CADPS2: variants seen among roughly 807,000 people sequenced by gnomAD.
CADPS2 encodes the protein calcium dependent secretion activator 2, also known as calcium-dependent secretion activator 2.
CADPS2 carries 93 observed loss-of-function variants against 172.5 expected under a neutral mutation model. That is an observed-to-expected ratio of 0.54 (90% confidence interval 0.46 to 0.64). The LOEUF (loss-of-function observed/expected upper bound fraction) is 0.64. Among genes scored for constraint, CADPS2 ranks in the 30% least tolerant of loss-of-function variants. The pLI, the probability that CADPS2 is intolerant of heterozygous loss-of-function variation, is 0.00. For missense variants in CADPS2, 1,420 were observed against 1,565.9 expected (o/e 0.91, Z 1.57); for synonymous variants, 546 against 555.2 (o/e 0.98, Z 0.23).
intron 4 of CADPS2, 79 bp downstream of exon 4, chr7:122,629,169 A>T: frequency 8.7e-7 from 1 of 1,145,362 alleles, no homozygotes; most frequent in African/African-American, 1.6e-5. Flanking sequence ...TTTTTAACCT[A>T]TACAAAACAC....
At chr7:122,399,634 T>C (rs1337985936) in intron 20 of CADPS2, among the ~76,000 whole-genome samples, 2 of 148,216 alleles carry the variant, frequency 1.3e-5, no homozygotes, top group African/African-American at 4.9e-5. Context: ...TATATCATGA[T>C]CGATAACTCT....
At chr7:122,819,707 T>C (rs571897391) in intron 1 of CADPS2, among the ~76,000 whole-genome samples, 2 of 152,254 alleles carry the variant, frequency 1.3e-5, no homozygotes, top group African/African-American at 2.4e-5. Flanking sequence ...AACTAAATTA[T>C]CTGCTTCCCT....
At chr7:122,453,592 A>G (rs1454713953) in intron 14 of CADPS2, among the ~76,000 whole-genome samples, 1 of 152,234 alleles carries the variant, frequency 6.6e-6, no homozygotes, top group Non-Finnish European at 1.5e-5. Context: ...GCAAATTGAT[A>G]AAAAGAGCAA....
chr7:122,744,889 T>G (rs1329011660), intron 1 of CADPS2, among the ~76,000 whole-genome samples: 1 of 151,988 alleles, frequency 6.6e-6, no homozygotes, highest in Non-Finnish European at 1.5e-5. Flanking sequence ...AATGCTAAGC[T>G]CCAAATGTTA....
chr7:122,452,880 T>C (rs1317352232), intron 14 of CADPS2, among the ~76,000 whole-genome samples: 3 of 152,166 alleles, frequency 2.0e-5, no homozygotes, highest in Non-Finnish European at 1.5e-5. Flanking sequence ...TATATACATA[T>C]AATCATATGT....
chr7:122,863,125 A>G (rs1214021256), intron 1 of CADPS2, among the ~76,000 whole-genome samples: 1 of 152,188 alleles, frequency 6.6e-6, no homozygotes, highest in Non-Finnish European at 1.5e-5. Flanking sequence ...TATCACAACC[A>G]TTATTGCTGC....
chr7:122,425,137 C>T (rs1007374619), intron 17 of CADPS2, among the ~76,000 whole-genome samples: 11 of 152,066 alleles, frequency 7.2e-5, no homozygotes, highest in South Asian at 2.1e-4. Context: ...TGCACCACCA[C>T]GCCCAACTAA....
chr7:122,460,748 A>G (rs769058520), intron 14 of CADPS2, among the ~76,000 whole-genome samples: 1 of 152,200 alleles, frequency 6.6e-6, no homozygotes, highest in Non-Finnish European at 1.5e-5. Flanking sequence ...CAAACCAAGA[A>G]AGGAAAAAGA....
intron 28 of CADPS2, among the ~76,000 whole-genome samples, chr7:122,340,057 G>T (rs1426429539): frequency 6.6e-6 from 1 of 152,058 alleles, no homozygotes; most frequent in Non-Finnish European, 1.5e-5. Context: ...CATTTATATA[G>T]TATAGGTCAA....
At chr7:122,499,115 G>A (rs2058993462) in intron 9 of CADPS2, among the ~76,000 whole-genome samples, 1 of 152,190 alleles carries the variant, frequency 6.6e-6, no homozygotes, top group Non-Finnish European at 1.5e-5. Flanking sequence ...CAAGCTAACA[G>A]TTAAAAATTC....
chr7:122,693,634 T>G (rs756424909), intron 2 of CADPS2, among the ~76,000 whole-genome samples: 1 of 152,144 alleles, frequency 6.6e-6, no homozygotes, highest in African/African-American at 2.4e-5. Flanking sequence ...AGCCAAGGTT[T>G]TGAAGTACTA....
intron 27 of CADPS2, among the ~76,000 whole-genome samples, chr7:122,359,155 A>G (rs798689): frequency 0.36 from 54,293 of 151,878 alleles, 9,988 homozygotes; most frequent in East Asian, 0.56. Context: ...TCCTCAGACA[A>G]CATATGCCTG....
intron 2 of CADPS2, among the ~76,000 whole-genome samples, chr7:122,682,284 G>A (rs535323711): frequency 6.6e-6 from 1 of 152,242 alleles, no homozygotes; most frequent in East Asian, 1.9e-4. Flanking sequence ...CAACGGAATG[G>A]CAAATAAGAA....
At chr7:122,647,706 TATAC>T (rs757973163) in intron 3 of CADPS2, among the ~76,000 whole-genome samples, 8 of 152,174 alleles carry the variant, frequency 5.3e-5, no homozygotes, top group Non-Finnish European at 1.2e-4. Context: ...ATTTTGTGAG[TATAC>T]ATAAACACTT....
At chr7:122,728,073 T>C (rs2091283892) in intron 2 of CADPS2, among the ~76,000 whole-genome samples, 1 of 151,980 alleles carries the variant, frequency 6.6e-6, no homozygotes, top group Non-Finnish European at 1.5e-5. Flanking sequence ...AGGGCATTAT[T>C]GCAAAGTTTA....
intron 9 of CADPS2, among the ~76,000 whole-genome samples, chr7:122,492,655 C>A (rs2058395939): frequency 6.6e-6 from 1 of 152,070 alleles, no homozygotes; most frequent in Admixed American, 6.5e-5. Context: ...GCAAAATATC[C>A]TGCAACACAG....
intron 1 of CADPS2, among the ~76,000 whole-genome samples, chr7:122,751,432 G>C (rs765250056): frequency 2.0e-5 from 3 of 152,108 alleles, no homozygotes; most frequent in Non-Finnish European, 2.9e-5. Flanking sequence ...GCATAGTTTC[G>C]TGGAAACTGA....
intron 17 of CADPS2, among the ~76,000 whole-genome samples, chr7:122,418,157 G>A (rs1412682291): frequency 6.7e-6 from 1 of 150,066 alleles, no homozygotes; most frequent in Non-Finnish European, 1.5e-5. Context: ...GTGACAGAGG[G>A]AGACTCCATC....
chr7:122,373,858 C>CA (rs199525196), intron 25 of CADPS2, among the ~76,000 whole-genome samples: 66 of 151,464 alleles, frequency 4.4e-4, no homozygotes, highest in African/African-American at 1.1e-3. Flanking sequence ...TAAACACTAC[C>CA]AAAAAAAACC....
Sources: allele counts gnomAD v4.1 joint callset (sites outside exome capture counted in the v4.1 genomes callset), GRCh38; gene constraint gnomAD v4.1.1; transcripts MANE v1.5; gene names NCBI Gene and HGNC (gene_info 2026-07-23, HGNC 2026-07-21).